Variants in MAD1L1 observed in about 807,000 individuals in gnomAD.
The protein encoded by MAD1L1 is mitotic arrest deficient 1 like 1, also known as mitotic spindle assembly checkpoint protein MAD1.
In MAD1L1, 95 loss-of-function variants were observed where a neutral mutation model predicts 96.9. That is an observed-to-expected ratio of 0.98 (90% CI 0.83 to 1.16). The LOEUF is 1.16. MAD1L1 is among the 50% of genes most tolerant of loss of function. The pLI is 0.00. For missense variants in MAD1L1, 1,007 were observed against 954.4 expected, an observed-to-expected ratio of 1.06 and a Z score of -0.73; for synonymous variants, 473 against 396.6, an observed-to-expected ratio of 1.19 and a Z score of -2.29.
chr7:2,215,504 G>A (rs1294545184), intron 9 of MAD1L1, among the ~76,000 whole-genome samples: 1 of 152,092 alleles, frequency 6.6e-6, no homozygotes, highest in Non-Finnish European at 1.5e-5. Flanking sequence ...CAGATTCCAG[G>A]GGACAGTCCA....
At chr7:1,860,075 T>A (rs1784459808) in intron 18 of MAD1L1, among the ~76,000 whole-genome samples, 1 of 141,756 alleles carries the variant, frequency 7.1e-6, no homozygotes, top group African/African-American at 2.7e-5. Context: ...CGGGGCGGCC[T>A]CTGTGTCCCT....
chr7:1,902,470 G>A (rs995942429), intron 17 of MAD1L1, among the ~76,000 whole-genome samples: 2 of 152,184 alleles, frequency 1.3e-5, no homozygotes, highest in African/African-American at 2.4e-5. Context: ...AAAGGAAAAC[G>A]CGGTACTTTT....
chr7:1,904,909 C>A (rs375283299), intron 17 of MAD1L1, among the ~76,000 whole-genome samples: 2 of 62,948 alleles, frequency 3.2e-5, no homozygotes, highest in Non-Finnish European at 6.2e-5. Context: ...AGGATGCAGT[C>A]GCCTATGGAA....
At chr7:1,855,338 G>A (rs554509303) in intron 18 of MAD1L1, among the ~76,000 whole-genome samples, 1 of 152,102 alleles carries the variant, frequency 6.6e-6, no homozygotes, top group African/African-American at 2.4e-5. Context: ...CTCCAGCAGC[G>A]ATGACAGCGA....
At chr7:2,139,563 C>T (rs1321006369) in intron 11 of MAD1L1, among the ~76,000 whole-genome samples, 3 of 152,204 alleles carry the variant, frequency 2.0e-5, no homozygotes, top group Non-Finnish European at 4.4e-5. Flanking sequence ...GGAGAAGCTG[C>T]CAGGGGCTGG....
intron 12 of MAD1L1, among the ~76,000 whole-genome samples, chr7:2,030,205 C>T (rs995819581): frequency 5.3e-5 from 8 of 152,136 alleles, no homozygotes; most frequent in African/African-American, 9.7e-5. Flanking sequence ...CCCCGCCCCG[C>T]GCTCCACGGA....
At chr7:2,140,356 G>A (rs929073277) in intron 11 of MAD1L1, among the ~76,000 whole-genome samples, 2 of 152,162 alleles carry the variant, frequency 1.3e-5, no homozygotes, top group Non-Finnish European at 2.9e-5. Flanking sequence ...GACCCTGAAG[G>A]GTGAAGGGTG....
At chr7:1,966,693 T>C (rs1438764974) in intron 15 of MAD1L1, among the ~76,000 whole-genome samples, 2 of 147,688 alleles carry the variant, frequency 1.4e-5, no homozygotes, top group South Asian at 2.1e-4. Context: ...GCAAAAAAAA[T>C]GGTGAAAACA....
intron 10 of MAD1L1, among the ~76,000 whole-genome samples, chr7:2,173,476 G>C (rs1340773730): frequency 3.3e-5 from 5 of 152,226 alleles, no homozygotes; most frequent in Non-Finnish European, 7.3e-5. Flanking sequence ...AAGCTAACAG[G>C]AGAAGGGGTT....
rs566500610 is a variant in MAD1L1, at chr7:2,108,977, G to A, written c.1074-39639C>T. Among the ~76,000 whole-genome samples the A allele has an allele frequency of 2.6e-5, 4 of 152,346 alleles. No individual in the cohort carries two copies. In the South Asian group the frequency reaches 8.3e-4, roughly 32 times the overall value. On this transcript the variant is annotated intron_variant, in intron 11 of 18. Coordinates refer to ENST00000265854, the MANE Select transcript of MAD1L1 (RefSeq NM_001013836.2). ...AGAGCACGGGACAGACCAAACAGGC[G>A]CTACCAAGTATGGGTTCCAGACCCC...
intron 18 of MAD1L1, among the ~76,000 whole-genome samples, chr7:1,882,976 CTCCTTATCACCAAACCTCGTGCCACAA>C (rs1562486581): frequency 2.1e-4 from 26 of 122,456 alleles, no homozygotes; most frequent in African/African-American, 8.9e-4. Context: ...CAGGAACCAG[CTCCTTATCACCAAACCTCGTGCCACAA>C]ACGGCCCCAG....
chr7:2,020,577 C>T (rs1477402757), intron 12 of MAD1L1, among the ~76,000 whole-genome samples: 1 of 152,194 alleles, frequency 6.6e-6, no homozygotes, highest in Non-Finnish European at 1.5e-5. Flanking sequence ...CTCCCTGGGT[C>T]CTCTCTCACC....
intron 18 of MAD1L1, chr7:1,838,468 C>G: frequency 7.2e-6 from 2 of 278,092 alleles, no homozygotes; most frequent in South Asian, 8.1e-5. Flanking sequence ...CAACCATGGT[C>G]TATCCACACA....
chr7:1,938,270 G>T (rs4719366), intron 16 of MAD1L1, among the ~76,000 whole-genome samples: 3 of 144,536 alleles, frequency 2.1e-5, no homozygotes, highest in Admixed American at 6.9e-5. Flanking sequence ...AACAACAGCC[G>T]CCCACGGCAG....
intron 11 of MAD1L1, among the ~76,000 whole-genome samples, chr7:2,112,385 C>A (rs1378781035): frequency 6.6e-6 from 1 of 152,172 alleles, no homozygotes; most frequent in African/African-American, 2.4e-5. Context: ...AAACAAAGAA[C>A]ACAACACCAG....
intron 17 of MAD1L1, among the ~76,000 whole-genome samples, chr7:1,907,715 G>A (rs55965134): frequency 6.6e-6 from 1 of 152,248 alleles, no homozygotes; most frequent in African/African-American, 2.4e-5. Context: ...TGAGACAGTG[G>A]AGGCGAAAAC....
At chr7:2,162,031 C>T (rs768749632) in intron 10 of MAD1L1, among the ~76,000 whole-genome samples, 1 of 151,640 alleles carries the variant, frequency 6.6e-6, no homozygotes, top group African/African-American at 2.4e-5. Context: ...TCCACCCGGC[C>T]GCCCCGTCTG....
At chr7:1,858,500 C>G (rs939886770) in intron 18 of MAD1L1, among the ~76,000 whole-genome samples, 1 of 152,212 alleles carries the variant, frequency 6.6e-6, no homozygotes, top group Non-Finnish European at 1.5e-5. Context: ...CCATGTGGTG[C>G]CCCCACCTCT....
rs149500634 is a variant in MAD1L1, at chr7:2,059,833, C to T, written c.1218+9361G>A. 3.2e-3 allele frequency among the ~76,000 whole-genome samples: 489 copies of T among 152,228 alleles called. 5 individuals carry two copies. The highest frequency in any genetic ancestry group is 0.011 in the African/African-American group (458 of 41,516). On this transcript the variant is annotated intron_variant, in intron 12 of 18. Transcript: ENST00000265854. ...GGTCAATGTGCAGGACCCAATGGTA[C>T]ATCCACAGGCCAGGAACACATACAT...
Sources: gnomAD v4.1 joint callset for allele counts (sites outside exome capture counted in the v4.1 genomes callset) on GRCh38, gnomAD v4.1.1 for gene constraint, MANE v1.5 for transcripts, NCBI Gene and HGNC (gene_info 2026-07-23, HGNC 2026-07-21) for gene names.